The following LMO4 variants were observed in gnomAD, a reference collection of about 807,000 sequenced individuals.
The protein encoded by LMO4 is LIM domain only 4.
Under a neutral mutation model 18.5 loss-of-function variants are expected in LMO4, and 3 were observed. The ratio of observed to expected loss-of-function variants is 0.16; its 90% CI spans 0.07 to 0.42. The LOEUF (loss-of-function observed/expected upper bound fraction) is 0.42, where lower values mean the gene tolerates loss of function less well. LMO4 is among the 10% of genes least tolerant of loss of function. The pLI, the probability that LMO4 is intolerant of heterozygous loss-of-function variation, is 0.99. For missense variants in LMO4, 121 were observed against 219.9 expected, an observed-to-expected ratio of 0.55 and a Z score of 2.84; for synonymous variants, 100 against 88.1, an observed-to-expected ratio of 1.14 and a Z score of -0.76.
At chr1:87,329,460 G>T (rs889462505) in intron 1 of LMO4, among the ~76,000 whole-genome samples, 1 of 152,168 alleles carries the variant, frequency 6.6e-6, no homozygotes, top group African/African-American at 2.4e-5. Context: ...CTTTGTAGCG[G>T]TTCCTGCTTA....
At chr1:87,338,052 T>C (rs1650362996) in intron 2 of LMO4, among the ~76,000 whole-genome samples, 1 of 152,366 alleles carries the variant, frequency 6.6e-6, no homozygotes, top group East Asian at 1.9e-4. Context: ...TTTCTCGGGC[T>C]TCCTATTAAA....
At chr1:87,334,700 G>A (rs983533169) in intron 2 of LMO4, among the ~76,000 whole-genome samples, 2 of 152,108 alleles carry the variant, frequency 1.3e-5, no homozygotes, top group South Asian at 2.1e-4. Flanking sequence ...GGAAAGGCCG[G>A]CCTGAGCGCG....
At chr1:87,334,154 A>C (rs1650231907) in intron 2 of LMO4, among the ~76,000 whole-genome samples, 1 of 152,154 alleles carries the variant, frequency 6.6e-6, no homozygotes, top group South Asian at 2.1e-4. Flanking sequence ...ATGTGTGCCC[A>C]GCCCTGAGCC....
Position 87,339,088 on chromosome 1 carries a change from A to G in LMO4, c.237-448A>G, listed in dbSNP as rs572413113. Among the ~76,000 whole-genome samples, 5 of 152,354 alleles carry G rather than the reference A, an allele frequency of 3.3e-5. No individual in the cohort carries two copies. In the East Asian group the frequency reaches 5.8e-4, roughly 18 times the overall value. ...TTACGGGAGTTTCAATACACTGAGCATGATGTCTTCTTAGATATACAATCA... is the reference window on the plus strand; with the variant it reads ...TTACGGGAGTTTCAATACACTGAGCGTGATGTCTTCTTAGATATACAATCA... On this transcript the variant is annotated intron_variant, in intron 2 of 4. Coordinates refer to ENST00000370544, the MANE Select transcript of LMO4 (RefSeq NM_006769.4).
At chr1:87,343,191 A>G (rs1650542006) in intron 4 of LMO4, among the ~76,000 whole-genome samples, 1 of 152,006 alleles carries the variant, frequency 6.6e-6, no homozygotes, top group Non-Finnish European at 1.5e-5. Context: ...TTTTATTCTG[A>G]GATTTGTTCC....
At chr1:87,341,449 A>C (rs752743170) in intron 4 of LMO4, among the ~76,000 whole-genome samples, 3 of 151,846 alleles carry the variant, frequency 2.0e-5, no homozygotes, top group Non-Finnish European at 4.4e-5. Flanking sequence ...TAAGGATCAC[A>C]AAAAAAACAA....
In LMO4 at chr1:87,332,210, C is replaced by T. The variant is rs747589658; in HGVS notation, c.195C>T (p.Tyr65=). The T allele has an allele frequency of 5.0e-6, 8 of 1,614,110 alleles. No individual in the cohort carries two copies. The African/African-American group carries it at 6.7e-5, about 13-fold the overall frequency. The change falls in exon 2 of 5, where the codon TAC becomes TAT. Residue 65 remains tyrosine (Y), a synonymous_variant. Coordinates refer to ENST00000370544, the MANE Select transcript of LMO4 (RefSeq NM_006769.4). The part of the protein sequence containing the change: ...AQLGDIGTSC[Y]TKSGMILCRN... ...TGGGCGACATCGGCACGTCCTGTTA[C>T]ACCAAAAGTGGCATGATCCTTTGCA...
In LMO4 at chr1:87,346,082, T is replaced by C. The variant is rs1650617763; in HGVS notation, c.*1286T>C. On this transcript the variant is annotated 3_prime_UTR_variant, in exon 5 of 5. Transcript: ENST00000370544. ...GTTGTAGGGACCCAGAGCTCTTTTT[T>C]TATGGTGATCTTTGATTGGTGAAGT... 1 of 152,224 alleles carries C rather than the reference T, an allele frequency of 6.6e-6. No individual in the cohort carries two copies. Among genetic ancestry groups the C allele is most frequent in the Non-Finnish European group, 1.5e-5 (1 of 68,046 alleles). The allele number at this position is 152,224 out of a possible 1,614,324, so 9.4% of individuals were successfully genotyped here. A position where few individuals can be genotyped will look rare whatever the true frequency, so the allele number is the denominator to read the frequency against.
intron 4 of LMO4, among the ~76,000 whole-genome samples, chr1:87,340,970 G>A (rs1650457459): frequency 6.6e-6 from 1 of 152,170 alleles, no homozygotes; most frequent in Non-Finnish European, 1.5e-5. Flanking sequence ...CAGTTGTCCA[G>A]CACCCCCAGT....
At chr1:87,331,895 C>A in intron 1 of LMO4, 118 bp from the exon 2 acceptor site, 2 of 828,628 alleles carry the variant, frequency 2.4e-6, no homozygotes, top group Non-Finnish European at 3.8e-6. Flanking sequence ...CCTGCTGTTT[C>A]CTTCCAGCAG....
rs759707533 is a variant in LMO4 at position 87,339,025 on chromosome 1, CAG to C, written c.237-506_237-505del. Among the ~76,000 whole-genome samples, 16 of 152,270 alleles carry C rather than the reference CAG, an allele frequency of 1.1e-4. No homozygotes were observed. The East Asian group carries it at 1.4e-3, about 13-fold the overall frequency. ...ACACATTATATATCAACCTGGATAG[CAG>C]AGAGTTTCTAATGGAAAGTCTGCAC... On this transcript the variant is annotated intron_variant, in intron 2 of 4. Coordinates refer to ENST00000370544, the MANE Select transcript of LMO4 (RefSeq NM_006769.4).
intron 1 of LMO4, chr1:87,331,772 A>T (rs1650155852): frequency 3.8e-6 from 2 of 524,334 alleles, no homozygotes; most frequent in Non-Finnish European, 6.7e-6. Flanking sequence ...AAGCGCAGGA[A>T]AGTTGAGAGG....
At chr1:87,342,399 T>C (rs1212861442) in intron 4 of LMO4, among the ~76,000 whole-genome samples, 2 of 152,208 alleles carry the variant, frequency 1.3e-5, no homozygotes, top group African/African-American at 4.8e-5. Flanking sequence ...ACATGTCTTA[T>C]GCCTTTCATT....
At position 87,339,644 on chromosome 1, in the gene LMO4, ATCTC is replaced by A. The variant is rs547046452; in HGVS notation, c.333+16_333+19del. On this transcript the variant is annotated intron_variant, in intron 3 of 4. Transcript: ENST00000370544. ...TGTATCATCTTAAGGTAGTATTTGC[ATCTC>A]TCTTTTTTTTTTAAAAAAAAAATCA... 2 of 1,552,608 alleles carry A rather than the reference ATCTC, an allele frequency of 1.3e-6. No homozygotes were observed. The highest frequency in any genetic ancestry group is 1.8e-6 in the Non-Finnish European group (2 of 1,131,616).
intron 4 of LMO4, among the ~76,000 whole-genome samples, chr1:87,340,649 C>T (rs1650449884): frequency 6.6e-6 from 1 of 152,172 alleles, no homozygotes; most frequent in Non-Finnish European, 1.5e-5. Flanking sequence ...GGACACCTGC[C>T]TTCCAAACCC....
chr1:87,337,494 G>T (rs1650347986), intron 2 of LMO4, among the ~76,000 whole-genome samples: 1 of 152,138 alleles, frequency 6.6e-6, no homozygotes, highest in Non-Finnish European at 1.5e-5. Context: ...CATAATTATA[G>T]ATTCTTATCC....
chr1:87,341,287 A>G (rs1285224525), intron 4 of LMO4, among the ~76,000 whole-genome samples: 1 of 152,134 alleles, frequency 6.6e-6, no homozygotes, highest in African/African-American at 2.4e-5. Context: ...TTGGTGATAG[A>G]TTTTTCCATC....
At chr1:87,335,634 A>G (rs1170877880) in intron 2 of LMO4, among the ~76,000 whole-genome samples, 20 of 152,024 alleles carry the variant, frequency 1.3e-4, no homozygotes, top group Non-Finnish European at 1.0e-4. Flanking sequence ...GTGTTTGGGT[A>G]GGGGGTGGCG....
Position 87,344,667 on chromosome 1 carries a change from T to G in LMO4, c.490-121T>G. On this transcript the variant is annotated intron_variant, in intron 4 of 4. Coordinates refer to ENST00000370544, the MANE Select transcript of LMO4 (RefSeq NM_006769.4). ...TAGAAAGCCTCTATCAAGTCACAGT[T>G]GGAAAGTAATCTAATAAAAGAAGAT... 4.1e-6 allele frequency: 4 copies of G among 969,984 alleles called. No homozygotes were observed. The South Asian group carries it at 5.5e-5, about 13-fold the overall frequency. The allele number at this position is 969,984 out of a possible 1,614,324, so 60.1% of individuals were successfully genotyped here.
Sources: gnomAD v4.1 joint callset for allele counts (sites outside exome capture counted in the v4.1 genomes callset) on GRCh38, gnomAD v4.1.1 for gene constraint, MANE v1.5 for transcripts, NCBI Gene and HGNC (gene_info 2026-07-23, HGNC 2026-07-21) for gene names.